Variants in CIT observed in about 807,000 individuals in gnomAD.
CIT encodes the protein citron rho-interacting serine/threonine kinase, also known as citron Rho-interacting kinase.
A neutral mutation model predicts 272.7 loss-of-function variants in CIT; 79 were observed. The ratio of observed to expected loss-of-function variants is 0.29; its 90% confidence interval spans 0.24 to 0.35. CIT has a LOEUF of 0.35. Ranked by LOEUF, CIT falls within the 10% of genes least tolerant of loss-of-function variation. CIT has a pLI of 1.00. For missense variants in CIT, 1,909 were observed against 2,618.3 expected, an observed-to-expected ratio of 0.73 and a Z score of 5.91; for synonymous variants, 948 against 995.6, an observed-to-expected ratio of 0.95 and a Z score of 0.90.
At chr12:119,751,413 T>G (rs1960244839) in intron 23 of CIT, among the ~76,000 whole-genome samples, 1 of 151,796 alleles carries the variant, frequency 6.6e-6, no homozygotes, top group African/African-American at 2.4e-5. Context: ...TAAAAAGAAC[T>G]AAGGTTTCAA....
intron 24 of CIT, among the ~76,000 whole-genome samples, chr12:119,739,478 CAAGA>C (rs1157508563): frequency 1.3e-5 from 2 of 151,966 alleles, no homozygotes; most frequent in Admixed American, 1.3e-4. Flanking sequence ...TGGGCAATGC[CAAGA>C]AAGAAAGGAA....
intron 9 of CIT, among the ~76,000 whole-genome samples, chr12:119,821,458 T>C (rs1354215038): frequency 6.6e-6 from 1 of 152,220 alleles, no homozygotes; most frequent in Non-Finnish European, 1.5e-5. Flanking sequence ...GTTTCAGTAC[T>C]ATCATCAGTT....
At chr12:119,763,533 A>T (rs559546129) in intron 19 of CIT, among the ~76,000 whole-genome samples, 4 of 152,160 alleles carry the variant, frequency 2.6e-5, no homozygotes, top group African/African-American at 9.7e-5. Context: ...CTGGCCTCCT[A>T]TATTTCTTTT....
At position 119,748,496 on chromosome 12, in the gene CIT, C is replaced by A. The variant is rs543016786; in HGVS notation, c.2904+3554G>T. Reference sequence around the variant, plus strand: ...TCTAGAACGGTTAGGCTTCTGTGCACCCACCCCCTTTCAGGGTGAAGGCAG... The same window carrying A: ...TCTAGAACGGTTAGGCTTCTGTGCAACCACCCCCTTTCAGGGTGAAGGCAG... On this transcript the variant is annotated intron_variant, in intron 23 of 47. Transcript: ENST00000392521. Among the ~76,000 whole-genome samples, 4 of 152,342 alleles carry A rather than the reference C, an allele frequency of 2.6e-5. No homozygotes were observed. The East Asian group carries it at 7.7e-4, about 29-fold the overall frequency.
intron 24 of CIT, among the ~76,000 whole-genome samples, chr12:119,737,899 T>C (rs1958862915): frequency 6.6e-6 from 1 of 152,164 alleles, no homozygotes; most frequent in Admixed American, 6.5e-5. Flanking sequence ...ATATTAAACG[T>C]TGGACACACC....
At chr12:119,767,820 TAC>T (rs1309700975) in intron 18 of CIT, among the ~76,000 whole-genome samples, 1 of 151,706 alleles carries the variant, frequency 6.6e-6, no homozygotes, top group East Asian at 1.9e-4. Context: ...CATAAAAATG[TAC>T]AGACATATTA....
At chr12:119,766,073 G>A (rs1217907411) in intron 19 of CIT, among the ~76,000 whole-genome samples, 1 of 151,200 alleles carries the variant, frequency 6.6e-6, no homozygotes. Context: ...GTCAGCGGGG[G>A]TGGGGTGGGG....
chr12:119,703,430 T>C (rs563947761), intron 41 of CIT, among the ~76,000 whole-genome samples: 3 of 148,716 alleles, frequency 2.0e-5, no homozygotes, highest in Admixed American at 2.0e-4. Context: ...ACTTTTTTTT[T>C]TTTTTTTTTT....
At chr12:119,760,044 G>A (rs868090857) in intron 20 of CIT, among the ~76,000 whole-genome samples, 49 of 151,010 alleles carry the variant, frequency 3.2e-4, no homozygotes, top group Admixed American at 5.9e-4. Context: ...AAAATTAGCC[G>A]GGCACGGTGG....
At chr12:119,801,013 T>G (rs1420730864) in intron 10 of CIT, among the ~76,000 whole-genome samples, 1 of 152,192 alleles carries the variant, frequency 6.6e-6, no homozygotes, top group Non-Finnish European at 1.5e-5. Context: ...AAAGAAAATC[T>G]TTCTGATTCC....
Position 119,701,842 on chromosome 12 carries a change from G to T in CIT, c.5413+8C>A, listed in dbSNP as rs1593394879. On this transcript the variant is annotated splice_region_variant and intron_variant, in intron 42 of 47. Transcript: ENST00000392521. ...ATGGGTGGGTGCGAAAGTGGAGGTG[G>T]GTCCTACCCTCGAGCGTGTACTGCT... 2.5e-6 allele frequency: 4 copies of T among 1,613,894 alleles called. No individual in the cohort carries two copies. The highest frequency in any genetic ancestry group is 3.4e-6 in the Non-Finnish European group (4 of 1,179,768).
intron 10 of CIT, among the ~76,000 whole-genome samples, chr12:119,794,579 G>C (rs1392414963): frequency 6.6e-6 from 1 of 152,162 alleles, no homozygotes; most frequent in Admixed American, 6.5e-5. Flanking sequence ...ACTGGCACTG[G>C]ATCCTACCAG....
intron 16 of CIT, among the ~76,000 whole-genome samples, chr12:119,774,984 A>G (rs1011124582): frequency 2.0e-5 from 3 of 151,256 alleles, no homozygotes; most frequent in African/African-American, 7.3e-5. Flanking sequence ...AAAAAGTTAA[A>G]TAAGTTGGCC....
chr12:119,806,651 C>A (rs1166876525), intron 9 of CIT, among the ~76,000 whole-genome samples: 4 of 127,276 alleles, frequency 3.1e-5, no homozygotes, highest in African/African-American at 1.2e-4. Context: ...TCCTTCCAAT[C>A]CCTACCAGAA....
chr12:119,850,936 G>C (rs1970187668), intron 4 of CIT, among the ~76,000 whole-genome samples: 1 of 152,224 alleles, frequency 6.6e-6, no homozygotes, highest in African/African-American at 2.4e-5. Flanking sequence ...AAAGACAGTA[G>C]ATTGGATGCA....
At chr12:119,853,359 T>A (rs1970360031) in intron 4 of CIT, among the ~76,000 whole-genome samples, 1 of 152,206 alleles carries the variant, frequency 6.6e-6, no homozygotes, top group South Asian at 2.1e-4. Flanking sequence ...TGTTTCAATT[T>A]TTTTATTTAA....
intron 5 of CIT, among the ~76,000 whole-genome samples, chr12:119,845,695 C>A (rs551348742): frequency 1.4e-5 from 2 of 148,028 alleles, no homozygotes; most frequent in Non-Finnish European, 3.0e-5. Context: ...CTCACACCTG[C>A]AATCCCAGCA....
At chr12:119,701,518 G>C in intron 43 of CIT, 106 bp downstream of exon 43, 1 of 1,340,696 alleles carries the variant, frequency 7.5e-7, no homozygotes, top group Non-Finnish European at 1.0e-6. Flanking sequence ...TGTACCCCTA[G>C]TCAAACCTAT....
intron 28 of CIT, among the ~76,000 whole-genome samples, chr12:119,724,233 G>C (rs1484582547): frequency 6.6e-6 from 1 of 152,122 alleles, no homozygotes; most frequent in South Asian, 2.1e-4. Context: ...ACATTGCAAG[G>C]ACTGTAAGAG....
Sources: gnomAD v4.1 joint callset for allele counts (sites outside exome capture counted in the v4.1 genomes callset) on GRCh38, gnomAD v4.1.1 for gene constraint, MANE v1.5 for transcripts, NCBI Gene and HGNC (gene_info 2026-07-23, HGNC 2026-07-21) for gene names.